Variants in NMT2 observed in about 807,000 individuals in gnomAD.
NMT2 encodes glycylpeptide N-tetradecanoyltransferase 2.
A neutral mutation model predicts 65.4 loss-of-function variants in NMT2; 35 were observed. The observed-to-expected ratio is 0.54, with a 90% CI of 0.41 to 0.71. The LOEUF (loss-of-function observed/expected upper bound fraction) is 0.71, where lower values mean the gene tolerates loss of function less well. Among genes scored for constraint, NMT2 ranks in the 30% least tolerant of loss-of-function variants. The pLI, the probability that NMT2 is intolerant of heterozygous loss-of-function variation, is 0.00. For missense variants in NMT2, 489 were observed against 611.3 expected, an observed-to-expected ratio of 0.80 and a Z score of 2.11; for synonymous variants, 226 against 231.8, an observed-to-expected ratio of 0.98 and a Z score of 0.23.
intron 7 of NMT2, among the ~76,000 whole-genome samples, chr10:15,129,288 G>A (rs557335330): frequency 6.6e-6 from 1 of 152,110 alleles, no homozygotes; most frequent in Non-Finnish European, 1.5e-5. Context: ...AATTTAACAG[G>A]ATATAGTAAT....
chr10:15,115,014 A>G (rs554158142), intron 9 of NMT2, among the ~76,000 whole-genome samples: 40 of 151,168 alleles, frequency 2.6e-4, no homozygotes, highest in Middle Eastern at 3.4e-3. Context: ...AAAAAAATTA[A>G]AAAAAAAAAT....
chr10:15,137,692 G>C (rs1408540074), intron 2 of NMT2, among the ~76,000 whole-genome samples: 1 of 152,174 alleles, frequency 6.6e-6, no homozygotes, highest in East Asian at 1.9e-4. Context: ...TGACTATAAT[G>C]AATTTGTCAT....
rs1846166539 is a variant in NMT2 at position 15,128,340 on chromosome 10, TCTTA to T, written c.999+6_999+9del. The T allele has an allele frequency of 6.9e-7, 1 of 1,455,726 alleles. No homozygotes were observed. The highest frequency in any genetic ancestry group is 9.6e-7 in the Non-Finnish European group (1 of 1,037,824). The allele number at this position is 1,455,726 out of a possible 1,614,324, so 90.2% of individuals were successfully genotyped here. A position where few individuals can be genotyped will look rare whatever the true frequency, so the allele number is the denominator to read the frequency against. ...ACAGCTTCAAAAAACTGCAAATCAT[TCTTA>T]CTTACATCTGGAAGTCTGTATAGCT... On this transcript the variant is annotated splice_donor_region_variant and intron_variant, in intron 8 of 11. Coordinates refer to ENST00000378165, the MANE Select transcript of NMT2 (RefSeq NM_004808.3).
At chr10:15,155,677 C>T (rs80260329) in intron 1 of NMT2, among the ~76,000 whole-genome samples, 12,620 of 151,528 alleles carry the variant, frequency 0.083, 666 homozygotes, top group Middle Eastern at 0.21. Context: ...GCCACTGCAC[C>T]TGGCCCCAAG....
chr10:15,167,548 G>T (rs570983758), intron 1 of NMT2, among the ~76,000 whole-genome samples: 1 of 152,248 alleles, frequency 6.6e-6, no homozygotes, highest in South Asian at 2.1e-4. Flanking sequence ...AGCAAGAACC[G>T]CTCTGTGCCA....
chr10:15,162,564 G>C (rs1833234830), intron 1 of NMT2, among the ~76,000 whole-genome samples: 1 of 151,758 alleles, frequency 6.6e-6, no homozygotes, highest in African/African-American at 2.4e-5. Flanking sequence ...GAAAGTTCCA[G>C]CACACAACAA....
chr10:15,109,345 C>G, intron 11 of NMT2, 130 bp from the exon 12 acceptor site: 1 of 1,094,642 alleles, frequency 9.1e-7, no homozygotes, highest in Non-Finnish European at 1.3e-6. Flanking sequence ...GAGGCCAAGG[C>G]AGGCGGATCA....
At chr10:15,167,734 G>T (rs373749218) in intron 1 of NMT2, among the ~76,000 whole-genome samples, 1 of 152,338 alleles carries the variant, frequency 6.6e-6, no homozygotes, top group South Asian at 2.1e-4. Flanking sequence ...GGGTTCGGGG[G>T]CAAAGGGAAA....
At chr10:15,112,252 G>T (rs1358173553) in intron 10 of NMT2, among the ~76,000 whole-genome samples, 2 of 24,120 alleles carry the variant, frequency 8.3e-5, no homozygotes, top group Non-Finnish European at 1.7e-4. Context: ...TTTTTTTTTT[G>T]AGACAGTTTC....
chr10:15,110,841 A>G (rs141138509), intron 10 of NMT2, among the ~76,000 whole-genome samples: 196 of 151,794 alleles, frequency 1.3e-3, no homozygotes, highest in African/African-American at 4.4e-3. Flanking sequence ...TCCAGGCTGG[A>G]ATACAGTGGC....
Position 15,108,632 on chromosome 10 carries a change from G to C in NMT2, c.*563C>G. 1.1e-5 allele frequency: 11 copies of C among 987,792 alleles called. No homozygotes were observed. The highest frequency in any genetic ancestry group is 1.3e-5 in the Non-Finnish European group (11 of 831,800). 61.2% of individuals were successfully genotyped at this position (987,792 alleles called of 1,614,324 possible). A position where few individuals can be genotyped will look rare whatever the true frequency, so the allele number is the denominator to read the frequency against. ...GGAGAAATACATGTACTAGTCACCA[G>C]TACATTTTAATATTGCTCTGCACTT... is the stretch of plus-strand genomic sequence containing the variant. On this transcript the variant is annotated 3_prime_UTR_variant, in exon 12 of 12. Transcript: ENST00000378165.
rs1845606423 is a variant in NMT2 at position 15,112,793 on chromosome 10, T to C, written c.1338+3A>G. 1 of 1,607,390 alleles carries C rather than the reference T, an allele frequency of 6.2e-7. No homozygotes were observed. The highest frequency in any genetic ancestry group is 8.5e-7 in the Non-Finnish European group (1 of 1,176,684). ...ACGGCGTGAACAGGAAGGAGTGGCT[T>C]ACCGATTTAGCCAGGATGAGCGCGT... On this transcript the variant is annotated splice_donor_region_variant and intron_variant, in intron 10 of 11. Transcript: ENST00000378165.
At chr10:15,164,432 A>C (rs1195636691) in intron 1 of NMT2, among the ~76,000 whole-genome samples, 1 of 152,202 alleles carries the variant, frequency 6.6e-6, no homozygotes, top group Non-Finnish European at 1.5e-5. Flanking sequence ...GCAAGGGGAC[A>C]GATTTGGTTT....
intron 9 of NMT2, among the ~76,000 whole-genome samples, chr10:15,114,127 A>G (rs1845665955): frequency 6.6e-6 from 1 of 152,198 alleles, no homozygotes; most frequent in African/African-American, 2.4e-5. Context: ...GTGATTCCCT[A>G]CTGCTCTATA....
At chr10:15,126,021 G>A (rs1433606649) in intron 8 of NMT2, among the ~76,000 whole-genome samples, 1 of 152,014 alleles carries the variant, frequency 6.6e-6, no homozygotes, top group East Asian at 1.9e-4. Flanking sequence ...TCCCATCAGT[G>A]GCACACAGAT....
At chr10:15,142,274 G>A (rs914448323) in intron 1 of NMT2, among the ~76,000 whole-genome samples, 31 of 152,148 alleles carry the variant, frequency 2.0e-4, no homozygotes, top group Admixed American at 1.9e-3. Context: ...AACTAAGCAC[G>A]CTGTTGGGCA....
intron 3 of NMT2, 67 bp from the exon 4 acceptor site, chr10:15,133,430 A>ATT: frequency 7.8e-7 from 1 of 1,279,716 alleles, no homozygotes; most frequent in Non-Finnish European, 1.1e-6. Context: ...AAAGTATTCT[A>ATT]ACCATCCAAA....
intron 1 of NMT2, among the ~76,000 whole-genome samples, chr10:15,161,102 A>AAAAAAAAAAAC (rs1833178945): frequency 1.3e-5 from 2 of 149,426 alleles, no homozygotes; most frequent in Non-Finnish European, 3.0e-5. Context: ...AAAAAAAAAA[A>AAAAAAAAAAAC]AAAAAAAACA....
At chr10:15,121,593 C>A (rs926943041) in intron 8 of NMT2, among the ~76,000 whole-genome samples, 1 of 152,242 alleles carries the variant, frequency 6.6e-6, no homozygotes, top group African/African-American at 2.4e-5. Context: ...TCTCGAATGC[C>A]TGACCTCAGG....
Sources: allele counts gnomAD v4.1 joint callset (sites outside exome capture counted in the v4.1 genomes callset), GRCh38; gene constraint gnomAD v4.1.1; transcripts MANE v1.5; gene names NCBI Gene and HGNC (gene_info 2026-07-23, HGNC 2026-07-21).